The following CDH23 variants were observed in gnomAD, a reference collection of about 807,000 sequenced individuals.
CDH23 encodes the protein cadherin-23.
In CDH23, 189 loss-of-function variants were observed where a neutral mutation model predicts 317.1. The ratio of observed to expected loss-of-function variants is 0.60; its 90% confidence interval spans 0.53 to 0.67. The LOEUF (loss-of-function observed/expected upper bound fraction) is 0.67. Ranked by LOEUF, CDH23 falls within the 30% of genes least tolerant of loss-of-function variation. The pLI is 0.00. For synonymous variants in CDH23, 1,839 were observed against 1,876.8 expected (o/e 0.98, Z 0.52); for missense variants, 4,401 against 4,592.4 (o/e 0.96, Z 1.20).
At chr10:71,765,713 C>T (rs1840523986) in intron 38 of CDH23, among the ~76,000 whole-genome samples, 1 of 152,238 alleles carries the variant, frequency 6.6e-6, no homozygotes. Flanking sequence ...CTCAATCCCC[C>T]ACACCTCCCC....
chr10:71,587,138 A>G (rs1019497974), intron 9 of CDH23, among the ~76,000 whole-genome samples: 3 of 152,260 alleles, frequency 2.0e-5, no homozygotes, highest in Non-Finnish European at 2.9e-5. Flanking sequence ...CAAAGAGCTC[A>G]TGAAACATGC....
intron 22 of CDH23, among the ~76,000 whole-genome samples, chr10:71,699,056 G>A (rs551474225): frequency 2.0e-5 from 3 of 152,270 alleles, no homozygotes; most frequent in South Asian, 4.1e-4. Context: ...GGGAGTGGTC[G>A]GTAAATGGTA....
At chr10:71,467,979 C>G (rs965711634) in intron 3 of CDH23, among the ~76,000 whole-genome samples, 2 of 152,194 alleles carry the variant, frequency 1.3e-5, no homozygotes, top group Non-Finnish European at 2.9e-5. Context: ...GCTTCCTGAG[C>G]CTTCCTTCAT....
At chr10:71,764,966 G>C (rs1023257782) in intron 38 of CDH23, among the ~76,000 whole-genome samples, 4 of 152,248 alleles carry the variant, frequency 2.6e-5, no homozygotes, top group African/African-American at 9.7e-5. Flanking sequence ...AAGCTTGGCT[G>C]TGCCCCTGGT....
chr10:71,473,629 G>A (rs1851631279), intron 3 of CDH23, among the ~76,000 whole-genome samples: 1 of 152,208 alleles, frequency 6.6e-6, no homozygotes, highest in Admixed American at 6.5e-5. Context: ...GTAAAATGGA[G>A]ATAAAAAAGT....
chr10:71,762,413 C>T (rs1840419400), intron 38 of CDH23, among the ~76,000 whole-genome samples: 1 of 152,234 alleles, frequency 6.6e-6, no homozygotes. Flanking sequence ...CTGTAGGGGC[C>T]ATCAACACCT....
At chr10:71,733,115 T>C (rs964678878) in intron 32 of CDH23, among the ~76,000 whole-genome samples, 5 of 152,230 alleles carry the variant, frequency 3.3e-5, no homozygotes, top group East Asian at 1.9e-4. Context: ...ACAAGTTCGA[T>C]GAATTTGCTA....
In CDH23 at chr10:71,760,044, TAC is replaced by T. The variant is rs1208954622; in HGVS notation, c.4846-17626_4846-17625del. On this transcript the variant is annotated intron_variant, in intron 38 of 69. Transcript: ENST00000224721. Reference sequence around the variant, plus strand: ...ACATATATACACACACACACATATATACACACACACATATATATACACACACA... The same window carrying T: ...ACATATATACACACACACACATATATACACACACATATATATACACACACA... Among the ~76,000 whole-genome samples the T allele has an allele frequency of 3.1e-4, 35 of 112,258 alleles. 6 individuals carry two copies. The Middle Eastern group carries it at 0.015, about 47-fold the overall frequency. 73.6% of individuals were successfully genotyped at this position (112,258 alleles called of 152,430 possible).
intron 36 of CDH23, 128 bp from the exon 37 acceptor site, chr10:71,740,694 G>A: frequency 1.5e-6 from 2 of 1,341,022 alleles, no homozygotes; most frequent in South Asian, 1.4e-5. Flanking sequence ...AGGCCACCCA[G>A]GGGTTCTCAG....
At chr10:71,593,907 G>A (rs1329396010) in intron 9 of CDH23, among the ~76,000 whole-genome samples, 5 of 152,136 alleles carry the variant, frequency 3.3e-5, no homozygotes, top group Non-Finnish European at 5.9e-5. Context: ...GATCACTGAG[G>A]CCAGGAGTTT....
intron 18 of CDH23, among the ~76,000 whole-genome samples, chr10:71,682,956 A>G (rs888223920): frequency 1.3e-5 from 2 of 151,872 alleles, no homozygotes; most frequent in African/African-American, 4.8e-5. Flanking sequence ...CCAGAAGGTC[A>G]TCTTCTCCCT....
chr10:71,510,270 G>A (rs377439825), intron 4 of CDH23, 46 bp downstream of exon 4: 10 of 1,595,108 alleles, frequency 6.3e-6, no homozygotes, highest in African/African-American at 2.7e-5. Context: ...CTGGGGACAG[G>A]AGGAGACACT....
chr10:71,710,950 G>A (rs972787584), intron 27 of CDH23, among the ~76,000 whole-genome samples: 2 of 152,322 alleles, frequency 1.3e-5, no homozygotes, highest in East Asian at 1.9e-4. Flanking sequence ...GGGCCCCAGA[G>A]GGGAAGAGTG....
In CDH23 at chr10:71,803,349, G is replaced by A; in HGVS notation, c.7801G>A (p.Val2601Ile). 6.3e-7 allele frequency: 1 copy of A among 1,597,900 alleles called. No individual in the cohort carries two copies. Among genetic ancestry groups the A allele is most frequent in the Non-Finnish European group, 8.5e-7 (1 of 1,172,630 alleles). The part of the protein sequence containing the change: ...LWGTTMLLVE[V>I]IDVNDNRPVF... Reference sequence around the variant, plus strand: ...GGGCACCACCATGCTCCTGGTGGAGGTCATCGACGTCAATGACAACCGCCC... The same window carrying A: ...GGGCACCACCATGCTCCTGGTGGAGATCATCGACGTCAATGACAACCGCCC... The change falls in exon 55 of 70, where the codon GTC (valine) becomes ATC (isoleucine). Residue 2601 changes from valine (V) to isoleucine (I), a missense_variant. Coordinates refer to ENST00000224721, the MANE Select transcript of CDH23 (RefSeq NM_022124.6).
At chr10:71,780,998 G>A (rs535460932) in intron 41 of CDH23, among the ~76,000 whole-genome samples, 15 of 152,322 alleles carry the variant, frequency 9.8e-5, no homozygotes, top group Admixed American at 4.6e-4. Flanking sequence ...TGCCATTGAC[G>A]GATGGAGGGC....
rs146946504 is a variant in CDH23 at position 71,766,429 on chromosome 10, G to A, written c.4846-11251G>A. On this transcript the variant is annotated intron_variant, in intron 38 of 69. Transcript: ENST00000224721. ...TAGAGGAAGAGTGCCGTGAACCTGG[G>A]AAAGCCTGAGTCTCAGGAGTAAAAC... Among the ~76,000 whole-genome samples the A allele has an allele frequency of 5.3e-3, 809 of 152,242 alleles. 7 individuals are homozygous for A. The highest frequency in any genetic ancestry group is 0.019 in the South Asian group (91 of 4,816).
At chr10:71,675,953 T>A (rs1227859577) in intron 15 of CDH23, among the ~76,000 whole-genome samples, 1 of 137,708 alleles carries the variant, frequency 7.3e-6, no homozygotes, top group East Asian at 2.2e-4. Context: ...TTGCCCAGGC[T>A]GTAGTGCAAT....
chr10:71,429,677 A>G (rs1275545983), intron 1 of CDH23, among the ~76,000 whole-genome samples: 1 of 152,218 alleles, frequency 6.6e-6, no homozygotes, highest in Non-Finnish European at 1.5e-5. Context: ...ATTAATCAAA[A>G]GAAGGTATCG....
At position 71,785,097 on chromosome 10, in the gene CDH23, C is replaced by T. The variant is rs780665154; in HGVS notation, c.5709C>T (p.Ala1903=). The T allele has an allele frequency of 6.2e-7, 1 of 1,613,510 alleles. No homozygotes were observed. Among genetic ancestry groups the T allele is most frequent in the South Asian group, 1.1e-5 (1 of 91,076 alleles). Residue 1903 remains alanine, a synonymous_variant, in exon 43 of 70, where the codon GCC becomes GCT. Coordinates refer to ENST00000224721, the MANE Select transcript of CDH23 (RefSeq NM_022124.6). ...GCGAGCGGGCCTTCTTCATCAATGC[C>T]ACGGTAGGGCCTAGACTGACCCCAG... is the stretch of plus-strand genomic sequence containing the variant. ...GNRERAFFIN[A]TTGIVTVNRP... is the part of the protein sequence containing the mutation.
Sources: gnomAD v4.1 joint callset for allele counts (sites outside exome capture counted in the v4.1 genomes callset) on GRCh38, gnomAD v4.1.1 for gene constraint, MANE v1.5 for transcripts, NCBI Gene and HGNC (gene_info 2026-07-23, HGNC 2026-07-21) for gene names.